PCDHA11: variants seen among roughly 807,000 people sequenced by gnomAD.
The protein encoded by PCDHA11 is protocadherin alpha-11.
Under a neutral mutation model 70.3 loss-of-function variants are expected in PCDHA11, and 61 were observed. The observed-to-expected ratio is 0.87, with a 90% CI of 0.71 to 1.07. PCDHA11 has a LOEUF of 1.07. PCDHA11 is among the 50% of genes least tolerant of loss of function. PCDHA11 has a pLI of 0.00. For missense variants in PCDHA11, 1,324 were observed against 1,237.5 expected (o/e 1.07, Z -1.05); for synonymous variants, 633 against 555.1 (o/e 1.14, Z -1.97).
chr5:141,008,199 T>G (rs966441661), intron 3 of PCDHA11, among the ~76,000 whole-genome samples: 3 of 152,338 alleles, frequency 2.0e-5, no homozygotes, highest in Admixed American at 2.0e-4. Flanking sequence ...AGTAATATAA[T>G]GAACTTGACA....
chr5:140,972,947 C>T (rs1287629621), intron 1 of PCDHA11, among the ~76,000 whole-genome samples: 1 of 152,096 alleles, frequency 6.6e-6, no homozygotes, highest in African/African-American at 2.4e-5. Context: ...CAGATGTGAG[C>T]CACCATGCCC....
intron 1 of PCDHA11, chr5:140,877,199 C>T (rs1345698735): frequency 8.7e-6 from 14 of 1,613,698 alleles, no homozygotes; most frequent in Non-Finnish European, 1.2e-5. Flanking sequence ...GCAGGAGGCG[C>T]AGTTAGCGAG....
chr5:140,968,597 G>T, intron 1 of PCDHA11: 1 of 1,614,176 alleles, frequency 6.2e-7, no homozygotes, highest in Non-Finnish European at 8.5e-7. Context: ...CATAGCTATG[G>T]ACTCAGACTC....
chr5:140,978,906 T>C, intron 1 of PCDHA11, 43 bp from the exon 2 acceptor site: 1 of 1,613,530 alleles, frequency 6.2e-7, no homozygotes, highest in Non-Finnish European at 8.5e-7. Flanking sequence ...GGGAGAACAT[T>C]GTCTTGTCAT....
At chr5:140,940,934 G>A (rs155815) in intron 1 of PCDHA11, among the ~76,000 whole-genome samples, 48,303 of 152,082 alleles carry the variant, frequency 0.32, 8,018 homozygotes, top group East Asian at 0.53. Flanking sequence ...TGGCTACTTA[G>A]ACTACGTATT....
At chr5:140,886,903 A>G (rs1432603652) in intron 1 of PCDHA11, among the ~76,000 whole-genome samples, 1 of 152,188 alleles carries the variant, frequency 6.6e-6, no homozygotes, top group East Asian at 1.9e-4. Context: ...CATTTAATAA[A>G]TACTTATTGA....
At chr5:140,987,893 G>A (rs571929057) in intron 3 of PCDHA11, among the ~76,000 whole-genome samples, 82 of 152,138 alleles carry the variant, frequency 5.4e-4, no homozygotes, top group Admixed American at 1.5e-3. Context: ...ATGTGCCCTA[G>A]TTTTATATGG....
At chr5:140,986,427 G>A (rs937088313) in intron 3 of PCDHA11, among the ~76,000 whole-genome samples, 19 of 152,186 alleles carry the variant, frequency 1.2e-4, no homozygotes, top group African/African-American at 4.6e-4. Context: ...TTAACTTCAT[G>A]AGTACTAATG....
chr5:140,884,059 G>A, intron 1 of PCDHA11: 4 of 1,613,546 alleles, frequency 2.5e-6, no homozygotes, highest in Non-Finnish European at 3.4e-6. Context: ...TGCGCGCGGT[G>A]GACGCCGATT....
intron 1 of PCDHA11, among the ~76,000 whole-genome samples, chr5:140,893,506 A>AT (rs1270469461): frequency 6.6e-6 from 1 of 152,170 alleles, no homozygotes; most frequent in African/African-American, 2.4e-5. Context: ...AGAAAAAAAA[A>AT]GCAGTTGTAG....
chr5:140,879,125 A>C (rs1251255000), intron 1 of PCDHA11, among the ~76,000 whole-genome samples: 2 of 152,244 alleles, frequency 1.3e-5, no homozygotes, highest in African/African-American at 2.4e-5. Flanking sequence ...GGATTAGAGC[A>C]GGGGAGATTG....
intron 1 of PCDHA11, among the ~76,000 whole-genome samples, chr5:140,922,458 C>A (rs782064554): frequency 6.6e-6 from 1 of 152,160 alleles, no homozygotes; most frequent in Non-Finnish European, 1.5e-5. Context: ...TATTTGTCAA[C>A]ACAAAATAGG....
intron 1 of PCDHA11, among the ~76,000 whole-genome samples, chr5:140,899,481 G>T (rs2153464125): frequency 6.6e-6 from 1 of 152,230 alleles, no homozygotes; most frequent in East Asian, 1.9e-4. Flanking sequence ...CTGTTTATAT[G>T]CTGGATTACA....
At chr5:140,884,410 G>A (rs1562804321) in intron 1 of PCDHA11, 1 of 1,614,004 alleles carries the variant, frequency 6.2e-7, no homozygotes, top group Non-Finnish European at 8.5e-7. Context: ...TGGTGCTCAC[G>A]TTGCTGCTGT....
At chr5:140,915,732 G>A (rs1454734995) in intron 1 of PCDHA11, among the ~76,000 whole-genome samples, 2 of 151,870 alleles carry the variant, frequency 1.3e-5, no homozygotes, top group East Asian at 3.9e-4. Flanking sequence ...ATTGTGCTGG[G>A]TCAGACCTAT....
Position 140,869,226 on chromosome 5 carries a change from C to T in PCDHA11, c.123C>T (p.His41=), listed in dbSNP as rs1428940405. The change falls in exon 1 of 4, where the codon CAC becomes CAT. Residue 41 remains histidine (H), a synonymous_variant. Transcript: ENST00000398640. ...ACTCCGTCTCGGAGGAGGCCAAACA[C>T]GGCACCTTCGTGGGCCGCATCGCGC... ...LHYSVSEEAK[H]GTFVGRIAQD... The T allele has an allele frequency of 3.1e-6, 5 of 1,613,644 alleles. No homozygotes were observed. The highest frequency in any genetic ancestry group is 1.3e-5 in the African/African-American group (1 of 74,928).
intron 1 of PCDHA11, among the ~76,000 whole-genome samples, chr5:140,975,301 C>A (rs943526337): frequency 2.3e-4 from 35 of 152,200 alleles, no homozygotes; most frequent in African/African-American, 8.4e-4. Flanking sequence ...TTAAAGAGCT[C>A]ATGTGATTAT....
At chr5:140,874,064 A>T (rs554642692) in intron 1 of PCDHA11, among the ~76,000 whole-genome samples, 17 of 152,334 alleles carry the variant, frequency 1.1e-4, no homozygotes, top group Admixed American at 1.1e-3. Flanking sequence ...AATTTAAATA[A>T]TTAGCCTGAT....
intron 3 of PCDHA11, among the ~76,000 whole-genome samples, chr5:140,996,269 T>C (rs1183604392): frequency 6.6e-6 from 1 of 152,194 alleles, no homozygotes; most frequent in East Asian, 1.9e-4. Context: ...GAGCCTGGGA[T>C]TGCTGCCAAA....
Sources: gnomAD v4.1 joint callset for allele counts (sites outside exome capture counted in the v4.1 genomes callset) on GRCh38, gnomAD v4.1.1 for gene constraint, MANE v1.5 for transcripts, NCBI Gene and HGNC (gene_info 2026-07-23, HGNC 2026-07-21) for gene names.